Variants in ATP11B observed in about 807,000 individuals in gnomAD.
ATP11B encodes the protein ATPase phospholipid transporting 11B (putative).
ATP11B carries 81 observed loss-of-function variants against 157.8 expected under a neutral mutation model. The observed-to-expected ratio is 0.51, with a 90% CI of 0.43 to 0.62. ATP11B has a LOEUF of 0.62. ATP11B is among the 20% of genes least tolerant of loss of function. The pLI is 0.00. For synonymous variants in ATP11B, 451 were observed against 469.4 expected, an observed-to-expected ratio of 0.96 and a Z score of 0.51; for missense variants, 1,165 against 1,402.2, an observed-to-expected ratio of 0.83 and a Z score of 2.70.
At chr3:182,814,861 A>C (rs1216700493) in intron 1 of ATP11B, among the ~76,000 whole-genome samples, 3 of 152,176 alleles carry the variant, frequency 2.0e-5, no homozygotes, top group Admixed American at 2.0e-4. Context: ...AGCAATTAGA[A>C]TTCAGTGTAA....
chr3:182,839,602 A>ATGTT (rs1175482620), intron 7 of ATP11B, among the ~76,000 whole-genome samples: 2 of 35,538 alleles, frequency 5.6e-5, no homozygotes, highest in Non-Finnish European at 1.6e-4. Flanking sequence ...CATTTTTTAA[A>ATGTT]TATTTATTTT....
intron 1 of ATP11B, among the ~76,000 whole-genome samples, chr3:182,817,800 T>A (rs575677056): frequency 2.0e-5 from 3 of 152,228 alleles, no homozygotes; most frequent in Admixed American, 6.5e-5. Context: ...GTCCTTTTTT[T>A]TTTGTTTCTT....
intron 28 of ATP11B, among the ~76,000 whole-genome samples, chr3:182,903,071 T>C (rs569385768): frequency 6.7e-6 from 1 of 149,390 alleles, no homozygotes; most frequent in Non-Finnish European, 1.5e-5. Flanking sequence ...TCGAACAATG[T>C]GTGTGTATGT....
intron 9 of ATP11B, among the ~76,000 whole-genome samples, chr3:182,846,722 A>C (rs1719562426): frequency 6.6e-6 from 1 of 152,252 alleles, no homozygotes. Context: ...AGCCAGACAC[A>C]AAAGGCCACA....
chr3:182,821,120 G>T (rs773251326), intron 2 of ATP11B, among the ~76,000 whole-genome samples: 2 of 151,946 alleles, frequency 1.3e-5, no homozygotes, highest in Non-Finnish European at 2.9e-5. Context: ...TTGTTTGCTT[G>T]TTTTTTTGAG....
chr3:182,885,939 C>A lies in ATP11B; in HGVS notation c.2656-12C>A. 1 of 1,481,512 alleles carries A rather than the reference C, an allele frequency of 6.7e-7. No individual in the cohort carries two copies. The highest frequency in any genetic ancestry group is 9.0e-7 in the Non-Finnish European group (1 of 1,115,632). The allele number at this position is 1,481,512 out of a possible 1,614,324, so 91.8% of individuals were successfully genotyped here. On this transcript the variant is annotated splice_polypyrimidine_tract_variant and intron_variant, in intron 22 of 29. Coordinates refer to ENST00000323116, the MANE Select transcript of ATP11B (RefSeq NM_014616.3). ...ATATTTTAATTATTTTCCATTTAAT[C>A]TTGTTTTTCAGAATGTGTGCTTTAT... is the stretch of plus-strand genomic sequence containing the variant.
chr3:182,911,413 A>T (rs921390681), intron 28 of ATP11B, among the ~76,000 whole-genome samples: 1 of 136,080 alleles, frequency 7.3e-6, no homozygotes, highest in Non-Finnish European at 1.7e-5. Flanking sequence ...TCTTATAATC[A>T]TAAGGCAGGA....
chr3:182,877,742 G>A (rs1390314784), intron 19 of ATP11B, among the ~76,000 whole-genome samples: 1 of 152,174 alleles, frequency 6.6e-6, no homozygotes, highest in African/African-American at 2.4e-5. Flanking sequence ...TGGCCAGGGA[G>A]TGGTATAGAT....
chr3:182,844,621 C>A lies in ATP11B; in HGVS notation c.705-837C>A, dbSNP rs1577009799. On this transcript the variant is annotated intron_variant, in intron 8 of 29. Transcript: ENST00000323116. Reference sequence around the variant, plus strand: ...AAGTAGTCAAGTTATACTGTGCGATCTTGCCTAGAAAAAGCACTAACATAC... The same window carrying A: ...AAGTAGTCAAGTTATACTGTGCGATATTGCCTAGAAAAAGCACTAACATAC... The A allele has an allele frequency of 1.3e-5, 12 of 896,726 alleles. No individual in the cohort carries two copies. The South Asian group carries it at 6.2e-4, about 46-fold the overall frequency. The allele number at this position is 896,726 out of a possible 1,614,324, so 55.5% of individuals were successfully genotyped here.
intron 25 of ATP11B, among the ~76,000 whole-genome samples, chr3:182,892,560 T>A (rs1723247327): frequency 6.6e-6 from 1 of 152,202 alleles, no homozygotes; most frequent in Admixed American, 6.5e-5. Context: ...TCAGGGAAAG[T>A]TAAGACTTTA....
chr3:182,813,881 C>T (rs1716818196), intron 1 of ATP11B, among the ~76,000 whole-genome samples: 2 of 152,034 alleles, frequency 1.3e-5, no homozygotes, highest in Non-Finnish European at 2.9e-5. Flanking sequence ...ACACATGCTA[C>T]CCCATCCGGC....
chr3:182,850,629 G>A (rs894337096), intron 10 of ATP11B, among the ~76,000 whole-genome samples: 1 of 152,180 alleles, frequency 6.6e-6, no homozygotes, highest in African/African-American at 2.4e-5. Flanking sequence ...CTTATACGTG[G>A]TTGGTGGGCA....
rs192679647 is a variant in ATP11B, at chr3:182,879,462, A to G, written c.2253-34A>G. On this transcript the variant is annotated intron_variant, in intron 19 of 29. Coordinates refer to ENST00000323116, the MANE Select transcript of ATP11B (RefSeq NM_014616.3). ...AGTGTAAATAATATGGCTTCAAAGT[A>G]TCTTACAGAGAATATAATTATTTTC... 7.1e-6 allele frequency: 11 copies of G among 1,553,218 alleles called. No homozygotes were observed. The East Asian group carries it at 1.1e-4, about 16-fold the overall frequency.
chr3:182,813,867 A>G (rs1213370393), intron 1 of ATP11B, among the ~76,000 whole-genome samples: 1 of 151,862 alleles, frequency 6.6e-6, no homozygotes, highest in East Asian at 1.9e-4. Context: ...AGCTGGAACT[A>G]TAGACACATG....
intron 1 of ATP11B, among the ~76,000 whole-genome samples, chr3:182,816,723 C>T (rs1052564352): frequency 4.6e-5 from 7 of 152,164 alleles, no homozygotes; most frequent in African/African-American, 1.7e-4. Context: ...TTCTTTTCAT[C>T]ATGCAAAGCT....
intron 28 of ATP11B, among the ~76,000 whole-genome samples, chr3:182,900,862 A>G (rs973651841): frequency 3.3e-5 from 5 of 151,962 alleles, no homozygotes; most frequent in African/African-American, 1.2e-4. Context: ...CCTGGCCAAC[A>G]TGGTGAAAGC....
At chr3:182,899,467 G>A (rs1204463884) in intron 28 of ATP11B, among the ~76,000 whole-genome samples, 1 of 151,738 alleles carries the variant, frequency 6.6e-6, no homozygotes, top group Admixed American at 6.6e-5. Flanking sequence ...TATTTTTTCT[G>A]ATTATATTAT....
intron 1 of ATP11B, among the ~76,000 whole-genome samples, chr3:182,806,466 A>G (rs769761688): frequency 9.9e-5 from 15 of 152,092 alleles, no homozygotes; most frequent in Non-Finnish European, 1.8e-4. Context: ...TTCTCATTCT[A>G]GAACTCTTGC....
intron 2 of ATP11B, among the ~76,000 whole-genome samples, chr3:182,827,536 A>G (rs188595627): frequency 7.9e-5 from 12 of 151,992 alleles, no homozygotes; most frequent in East Asian, 5.8e-4. Flanking sequence ...GTGCTATACT[A>G]TCTTACCTTT....
Sources: allele counts gnomAD v4.1 joint callset (sites outside exome capture counted in the v4.1 genomes callset), GRCh38; gene constraint gnomAD v4.1.1; transcripts MANE v1.5; gene names NCBI Gene and HGNC (gene_info 2026-07-23, HGNC 2026-07-21).